ASB4: variants seen among roughly 807,000 people sequenced by gnomAD.
ASB4 encodes ankyrin repeat and SOCS box containing 4.
A neutral mutation model predicts 38.6 loss-of-function variants in ASB4; 35 were observed. That is an observed-to-expected ratio of 0.91 (90% confidence interval 0.69 to 1.20). The LOEUF is 1.20. ASB4 is among the 50% of genes most tolerant of loss of function. The pLI is 0.00. For missense variants in ASB4, 557 were observed against 527.2 expected (o/e 1.06, Z -0.55); for synonymous variants, 195 against 201.3 (o/e 0.97, Z 0.26).
At position 95,515,316 on chromosome 7, in the gene ASB4, T is replaced by TCTTTCTTCCTTC. The variant is rs1420581416; in HGVS notation, c.488-12494_488-12493insTCTTCCTTCCTT. On this transcript the variant is annotated intron_variant, in intron 2 of 4. Transcript: ENST00000325885. Reference sequence around the variant, plus strand: ...TTCTTTCTTTCTTTCTTTCTTTCTTTCTTCCTTCCTTCCTTCCTTTCTTTC... The same window carrying TCTTTCTTCCTTC: ...TTCTTTCTTTCTTTCTTTCTTTCTTTCTTTCTTCCTTCCTTCCTTCCTTCCTTCCTTTCTTTC... 6.1e-3 allele frequency among the ~76,000 whole-genome samples: 586 copies of TCTTTCTTCCTTC among 95,762 alleles called. 10 individuals carry two copies. Among genetic ancestry groups the TCTTTCTTCCTTC allele is most frequent in the East Asian group, 0.014 (44 of 3,218 alleles). The allele number at this position is 95,762 out of a possible 152,430, so 62.8% of individuals were successfully genotyped here. A position where few individuals can be genotyped will look rare whatever the true frequency, so the allele number is the denominator to read the frequency against.
chr7:95,474,314 T>C (rs1476639488), upstream of ASB4, among the ~76,000 whole-genome samples: 1 of 152,238 alleles, frequency 6.6e-6, no homozygotes, highest in African/African-American at 2.4e-5. Flanking sequence ...AAATAGGATA[T>C]ACATGGACTG....
At chr7:95,548,810 C>A in the ASB4 span, among the ~76,000 whole-genome samples, 7 of 152,130 alleles carry the variant, frequency 4.6e-5, no homozygotes, top group Admixed American at 2.0e-4. Context: ...TTATAGCAAA[C>A]CTGACATGGA....
intron 2 of ASB4, among the ~76,000 whole-genome samples, chr7:95,502,326 T>C (rs908697620): frequency 6.7e-6 from 1 of 148,888 alleles, no homozygotes; most frequent in African/African-American, 2.5e-5. Flanking sequence ...ATAATACATA[T>C]ATGACAAACA....
the ASB4 span, among the ~76,000 whole-genome samples, chr7:95,551,029 G>A: frequency 6.6e-6 from 1 of 152,168 alleles, no homozygotes; most frequent in Non-Finnish European, 1.5e-5. Flanking sequence ...CACGCAGGCT[G>A]GAGTGCAATG....
chr7:95,539,061 G>C lies in ASB4; in HGVS notation c.*1302G>C, dbSNP rs1283065270. On this transcript the variant is annotated 3_prime_UTR_variant, in exon 5 of 5. Coordinates refer to ENST00000325885, the MANE Select transcript of ASB4 (RefSeq NM_016116.3). ...CCTTGTGGTTTATGAGGTCAATTTT[G>C]CTTCACTTTTTTTTTTGTTCTTGCT... is the stretch of plus-strand genomic sequence containing the variant. 1 of 131,538 alleles carries C rather than the reference G, an allele frequency of 7.6e-6. No individual in the cohort carries two copies. The highest frequency in any genetic ancestry group is 8.0e-5 in the Admixed American group (1 of 12,446). 8.1% of individuals were successfully genotyped at this position (131,538 alleles called of 1,614,324 possible).
At chr7:95,470,668 A>G in the ASB4 span, among the ~76,000 whole-genome samples, 1 of 152,074 alleles carries the variant, frequency 6.6e-6, no homozygotes, top group Non-Finnish European at 1.5e-5. Context: ...ATCCTTTCTC[A>G]TTTCCTGTTT....
At chr7:95,495,717 A>G (rs745565907) in intron 1 of ASB4, 41 bp from the exon 2 acceptor site, 1 of 1,548,294 alleles carries the variant, frequency 6.5e-7, no homozygotes, top group Admixed American at 2.0e-5. Flanking sequence ...GCCTAGGTCA[A>G]GAAGTTAAAC....
chr7:95,525,469 C>G (rs1316967325), intron 2 of ASB4, among the ~76,000 whole-genome samples: 1 of 151,956 alleles, frequency 6.6e-6, no homozygotes, highest in Non-Finnish European at 1.5e-5. Flanking sequence ...AAAAGTTACA[C>G]TGGCGACACA....
intron 1 of ASB4, among the ~76,000 whole-genome samples, chr7:95,487,845 T>C (rs538064011): frequency 5.3e-5 from 8 of 152,310 alleles, no homozygotes; most frequent in Admixed American, 1.3e-4. Context: ...TCCATTCTTA[T>C]GTATGCCAAG....
chr7:95,518,893 G>T (rs1790622015), intron 2 of ASB4, among the ~76,000 whole-genome samples: 1 of 152,116 alleles, frequency 6.6e-6, no homozygotes, highest in African/African-American at 2.4e-5. Flanking sequence ...GTGCCTTCAG[G>T]GAAAATGGGA....
chr7:95,536,694 A>T (rs1332493881), intron 4 of ASB4, 144 bp downstream of exon 4: 2 of 538,016 alleles, frequency 3.7e-6, no homozygotes, highest in Non-Finnish European at 6.6e-6. Context: ...GGGTTATAAA[A>T]TGCAGGTTTG....
downstream of ASB4, chr7:95,542,094 A>C (rs1010493783): frequency 7.2e-5 from 11 of 151,892 alleles, no homozygotes; most frequent in East Asian, 1.9e-4. Flanking sequence ...CAAAAAAAAA[A>C]CCCAAAAACT....
At chr7:95,500,340 G>A (rs1466248857) in intron 2 of ASB4, among the ~76,000 whole-genome samples, 1 of 152,032 alleles carries the variant, frequency 6.6e-6, no homozygotes, top group African/African-American at 2.4e-5. Flanking sequence ...GCTGAGGCAG[G>A]AGGACCTTTT....
At chr7:95,519,654 G>A (rs903831498) in intron 2 of ASB4, among the ~76,000 whole-genome samples, 1 of 152,134 alleles carries the variant, frequency 6.6e-6, no homozygotes, top group Non-Finnish European at 1.5e-5. Flanking sequence ...AAATGGAACC[G>A]AATTCCTTCT....
downstream of ASB4, among the ~76,000 whole-genome samples, chr7:95,540,535 C>A (rs1790957392): frequency 6.6e-6 from 1 of 152,300 alleles, no homozygotes; most frequent in East Asian, 1.9e-4. Flanking sequence ...TGGGGTTTTT[C>A]ATTTTCCTTC....
intron 2 of ASB4, among the ~76,000 whole-genome samples, chr7:95,505,363 C>T (rs1790392791): frequency 6.6e-6 from 1 of 151,842 alleles, no homozygotes; most frequent in Non-Finnish European, 1.5e-5. Flanking sequence ...TTTATAATAT[C>T]ACAAGAAATT....
intron 1 of ASB4, among the ~76,000 whole-genome samples, chr7:95,487,883 T>A (rs956086347): frequency 6.6e-6 from 1 of 152,162 alleles, no homozygotes; most frequent in Non-Finnish European, 1.5e-5. Context: ...CTAGTAAAAT[T>A]TGTGGTCTTA....
At chr7:95,502,004 A>G (rs1790345152) in intron 2 of ASB4, among the ~76,000 whole-genome samples, 1 of 152,182 alleles carries the variant, frequency 6.6e-6, no homozygotes, top group Admixed American at 6.5e-5. Flanking sequence ...AACACCATAA[A>G]ATTAAAAGGC....
rs574964583 is a variant in ASB4, at chr7:95,525,354, T to C, written c.488-2459T>C. Reference sequence around the variant, plus strand: ...TGTATTTTCACATTAAAAATATATTTCAAAGTTCCCAGGAGTTGATGTTTC... The same window carrying C: ...TGTATTTTCACATTAAAAATATATTCCAAAGTTCCCAGGAGTTGATGTTTC... On this transcript the variant is annotated intron_variant, in intron 2 of 4. Transcript: ENST00000325885. Among the ~76,000 whole-genome samples the C allele has an allele frequency of 4.6e-5, 7 of 152,298 alleles. No individual in the cohort carries two copies. The South Asian group carries it at 1.5e-3, about 32-fold the overall frequency.
Sources: allele counts gnomAD v4.1 joint callset (sites outside exome capture counted in the v4.1 genomes callset), GRCh38; gene constraint gnomAD v4.1.1; transcripts MANE v1.5; gene names NCBI Gene and HGNC (gene_info 2026-07-23, HGNC 2026-07-21).